Variants in NRF1 observed in about 807,000 individuals in gnomAD.
NRF1 encodes alpha palindromic-binding protein.
NRF1 carries 5 observed loss-of-function variants against 58.5 expected under a neutral mutation model. The ratio of observed to expected loss-of-function variants is 0.09; its 90% confidence interval spans 0.04 to 0.18. NRF1 has a LOEUF of 0.18. Ranked by LOEUF, NRF1 falls within the 10% of genes least tolerant of loss-of-function variation. The pLI is 1.00. For missense variants in NRF1, 288 were observed against 657.7 expected (o/e 0.44, Z 6.15); for synonymous variants, 224 against 246.7 (o/e 0.91, Z 0.86).
In NRF1 at chr7:129,757,053, A is replaced by G. The variant is rs947001798; in HGVS notation, c.*1872A>G. On this transcript the variant is annotated 3_prime_UTR_variant, in exon 11 of 11. Coordinates refer to ENST00000393232, the MANE Select transcript of NRF1 (RefSeq NM_005011.5). ...CATTCTGTCTTTGACTGCCTCATTCAATAAATAGTTAAAAATGTGGCAACA... is the reference window on the plus strand; with the variant it reads ...CATTCTGTCTTTGACTGCCTCATTCGATAAATAGTTAAAAATGTGGCAACA... The G allele has an allele frequency of 2.6e-5, 4 of 152,582 alleles. No individual in the cohort carries two copies. Among genetic ancestry groups the G allele is most frequent in the Non-Finnish European group, 4.4e-5 (3 of 68,036 alleles). 9.5% of individuals were successfully genotyped at this position (152,582 alleles called of 1,614,324 possible). A position where few individuals can be genotyped will look rare whatever the true frequency, so the allele number is the denominator to read the frequency against.
intron 5 of NRF1, among the ~76,000 whole-genome samples, chr7:129,692,309 G>A (rs1417923293): frequency 6.6e-6 from 1 of 152,132 alleles, no homozygotes; most frequent in East Asian, 1.9e-4. Flanking sequence ...GCTCATGCCT[G>A]TAATCAAGAG....
chr7:129,722,450 A>G (rs1470252500), intron 9 of NRF1, among the ~76,000 whole-genome samples: 2 of 151,898 alleles, frequency 1.3e-5, no homozygotes, highest in African/African-American at 4.8e-5. Flanking sequence ...CATAAAGTTG[A>G]GTGTAAAAGG....
At chr7:129,627,218 A>G (rs1050731768) in intron 1 of NRF1, among the ~76,000 whole-genome samples, 3 of 152,034 alleles carry the variant, frequency 2.0e-5, no homozygotes, top group African/African-American at 7.2e-5. Flanking sequence ...TTGTTAATTA[A>G]TTAATTTTTT....
At chr7:129,750,347 C>G (rs969418128) in intron 10 of NRF1, among the ~76,000 whole-genome samples, 1 of 152,186 alleles carries the variant, frequency 6.6e-6, no homozygotes. Flanking sequence ...GGCAGCCGCC[C>G]GACTTAGGGC....
At chr7:129,754,927 C>A in intron 10 of NRF1, 91 bp from the exon 11 acceptor site, 1 of 1,342,500 alleles carries the variant, frequency 7.4e-7, no homozygotes, top group Non-Finnish European at 1.0e-6. Context: ...GACCACGATA[C>A]CTCAAAGGCA....
At chr7:129,737,699 G>A (rs1803750442) in intron 10 of NRF1, among the ~76,000 whole-genome samples, 1 of 152,136 alleles carries the variant, frequency 6.6e-6, no homozygotes, top group Admixed American at 6.5e-5. Context: ...GGTTGCTGAT[G>A]TGCTATTCCA....
intron 5 of NRF1, among the ~76,000 whole-genome samples, chr7:129,707,849 T>C (rs1802987535): frequency 1.3e-5 from 2 of 152,206 alleles, no homozygotes; most frequent in South Asian, 4.1e-4. Context: ...CTGATTGGGT[T>C]CATGGTTCCC....
At chr7:129,734,017 C>T (rs897659603) in intron 10 of NRF1, among the ~76,000 whole-genome samples, 7 of 151,744 alleles carry the variant, frequency 4.6e-5, no homozygotes, top group Admixed American at 1.3e-4. Flanking sequence ...AGTGAGACTC[C>T]ATTTCAAAAA....
At chr7:129,697,936 A>G (rs915880436) in intron 5 of NRF1, among the ~76,000 whole-genome samples, 1 of 152,060 alleles carries the variant, frequency 6.6e-6, no homozygotes, top group Non-Finnish European at 1.5e-5. Context: ...GGGTTTCACC[A>G]TGTCAGGCTG....
chr7:129,720,561 C>T (rs895594427), intron 9 of NRF1, among the ~76,000 whole-genome samples: 1 of 152,174 alleles, frequency 6.6e-6, no homozygotes, highest in Non-Finnish European at 1.5e-5. Context: ...GCATGGTTCT[C>T]TAATAACCAC....
chr7:129,725,290 A>C (rs1489067919), intron 9 of NRF1, among the ~76,000 whole-genome samples: 1 of 152,198 alleles, frequency 6.6e-6, no homozygotes, highest in Non-Finnish European at 1.5e-5. Context: ...TTACCACAAC[A>C]AAATAATTTT....
rs544840991 is a variant in NRF1 at position 129,734,643 on chromosome 7, G to A, written c.1348+7278G>A. On this transcript the variant is annotated intron_variant, in intron 10 of 10. Transcript: ENST00000393232. ...CTTGCCTTTGCTGGCCAGAGGAGCC[G>A]ACAGGTCTGTATGCTTCTCCGGTTG... is the stretch of plus-strand genomic sequence containing the variant. 1.5e-4 allele frequency among the ~76,000 whole-genome samples: 23 copies of A among 152,316 alleles called. No individual in the cohort carries two copies. In the South Asian group the frequency reaches 3.1e-3, roughly 21 times the overall value.
chr7:129,669,945 GC>G (rs1802008685), intron 2 of NRF1, among the ~76,000 whole-genome samples: 1 of 152,148 alleles, frequency 6.6e-6, no homozygotes, highest in Non-Finnish European at 1.5e-5. Flanking sequence ...TAGCCTAAAT[GC>G]CCACCAGCGG....
Position 129,677,550 on chromosome 7 carries a change from CTG to C in NRF1, c.339-80_339-79del, listed in dbSNP as rs573053056. 7.4e-5 allele frequency: 95 copies of C among 1,290,430 alleles called. No homozygotes were observed. In the African/African-American group the frequency reaches 7.6e-4, roughly 10 times the overall value. The allele number at this position is 1,290,430 out of a possible 1,614,324, so 79.9% of individuals were successfully genotyped here. ...AAAGAGCATATCTGATCAGAATAAA[CTG>C]TCTTACCTCATTTGTGTCTATGTCA... is the stretch of plus-strand genomic sequence containing the variant. On this transcript the variant is annotated intron_variant, in intron 3 of 10. Transcript: ENST00000393232.
rs531471377 is a variant in NRF1 at position 129,671,448 on chromosome 7, T to C, written c.243T>C (p.Ala81=). 5.0e-6 allele frequency: 8 copies of C among 1,605,480 alleles called. 1 individual carries two copies. In the South Asian group the frequency reaches 6.6e-5, roughly 13 times the overall value. Residue 81 remains alanine, a synonymous_variant, in exon 3 of 11, where the codon GCT becomes GCC. Transcript: ENST00000393232. ...TTTCAGGTCCTGTGGGAATGGCCGC[T>C]GCTGCTGCTGTGGCAACAGGAAAGA... is the stretch of plus-strand genomic sequence containing the variant. The part of the protein sequence containing the change: ...LAAAGPVGMA[A]AAAVATGKKR...
chr7:129,612,774 C>T (rs1163316306), intron 1 of NRF1, among the ~76,000 whole-genome samples: 1 of 152,170 alleles, frequency 6.6e-6, no homozygotes, highest in Non-Finnish European at 1.5e-5. Flanking sequence ...GAATGTTGTG[C>T]ACTCCATCGT....
At chr7:129,622,253 A>G (rs1386874260) in intron 1 of NRF1, among the ~76,000 whole-genome samples, 1 of 152,198 alleles carries the variant, frequency 6.6e-6, no homozygotes, top group Admixed American at 6.5e-5. Context: ...ATAAACATAA[A>G]TACAGATAAC....
At chr7:129,632,740 G>A (rs546959107) in intron 1 of NRF1, among the ~76,000 whole-genome samples, 73 of 152,258 alleles carry the variant, frequency 4.8e-4, no homozygotes, top group Non-Finnish European at 1.5e-5. Context: ...ATTGGTACAT[G>A]TAGTTATAGT....
At chr7:129,714,590 G>A (rs1456614034) in intron 8 of NRF1, among the ~76,000 whole-genome samples, 2 of 152,180 alleles carry the variant, frequency 1.3e-5, no homozygotes, top group Non-Finnish European at 2.9e-5. Flanking sequence ...ACCAACCTTG[G>A]AAAGCAAGAG....
Sources: allele counts gnomAD v4.1 joint callset (sites outside exome capture counted in the v4.1 genomes callset), GRCh38; gene constraint gnomAD v4.1.1; transcripts MANE v1.5; gene names NCBI Gene and HGNC (gene_info 2026-07-23, HGNC 2026-07-21).